Variants in HPRT1 observed in about 807,000 individuals in gnomAD.
HPRT1 encodes the protein hypoxanthine-guanine phosphoribosyltransferase.
HPRT1 carries 4 observed loss-of-function variants against 19.0 expected under a neutral mutation model. That is an observed-to-expected ratio of 0.21 (90% confidence interval 0.10 to 0.48). HPRT1 has a LOEUF of 0.48. HPRT1 is among the 20% of genes least tolerant of loss of function. HPRT1 has a pLI of 0.98. For missense variants in HPRT1, 65 were observed against 164.0 expected (o/e 0.40, Z 3.30); for synonymous variants, 53 against 54.9 (o/e 0.97, Z 0.15).
chrX:134,481,023 G>A (rs909212265), intron 3 of HPRT1, among the ~76,000 whole-genome samples: 2 of 109,233 alleles, frequency 1.8e-5, no homozygotes, highest in African/African-American at 6.7e-5. Context: ...ATGATGTTAT[G>A]GGATACATAT....
intron 4 of HPRT1, among the ~76,000 whole-genome samples, chrX:134,488,060 CAAT>C (rs1350834710): frequency 1.8e-5 from 2 of 110,808 alleles, no homozygotes; most frequent in African/African-American, 6.6e-5. Context: ...ATGGAAAAAT[CAAT>C]AAGTATAACG....
intron 3 of HPRT1, among the ~76,000 whole-genome samples, chrX:134,475,808 T>G (rs2077623709): frequency 9.0e-6 from 1 of 110,913 alleles, no homozygotes; most frequent in African/African-American, 3.3e-5. Context: ...TTAACACACT[T>G]AAGAAAGGGG....
chrX:134,484,699 A>G (rs17883992), intron 3 of HPRT1, among the ~76,000 whole-genome samples: 4,524 of 112,095 alleles, frequency 0.04, 170 homozygotes, highest in African/African-American at 0.12. Context: ...ATTCTGTCTC[A>G]GTGTGCTTTG....
chrX:134,494,861 A>G (rs1454012853), intron 6 of HPRT1, among the ~76,000 whole-genome samples: 2 of 111,921 alleles, frequency 1.8e-5, no homozygotes, highest in African/African-American at 6.5e-5. Flanking sequence ...CAGGTAGGAC[A>G]TGCTCAAACA....
intron 3 of HPRT1, among the ~76,000 whole-genome samples, chrX:134,484,110 G>A (rs1328425812): frequency 8.9e-6 from 1 of 111,800 alleles, no homozygotes; most frequent in South Asian, 3.7e-4. Flanking sequence ...TCCTATCACC[G>A]TAGCCTTTGG....
At chrX:134,491,226 A>G (rs2077665788) in intron 5 of HPRT1, among the ~76,000 whole-genome samples, 1 of 109,791 alleles carries the variant, frequency 9.1e-6, no homozygotes, top group African/African-American at 3.3e-5. Flanking sequence ...CTTGCTGTCT[A>G]TAAGATTTGC....
intron 1 of HPRT1, among the ~76,000 whole-genome samples, chrX:134,468,478 G>A (rs1011934457): frequency 9.1e-5 from 10 of 110,444 alleles, no homozygotes; most frequent in Admixed American, 8.7e-4. Flanking sequence ...TTAACCAAGT[G>A]TGGTGGTGGG....
chrX:134,464,405 GT>G (rs1183335893), intron 1 of HPRT1, among the ~76,000 whole-genome samples: 2 of 108,813 alleles, frequency 1.8e-5, no homozygotes, highest in Admixed American at 2.0e-4. Flanking sequence ...GCTTTGAGGT[GT>G]TTTTTTTTGA....
Position 134,500,404 on chromosome X carries a change from T to TA in HPRT1, c.*329dup, listed in dbSNP as rs1266564631. On this transcript the variant is annotated 3_prime_UTR_variant, in exon 9 of 9. Transcript: ENST00000298556. ...ATAAAGAGAAGATATATTAGTTTTT[T>TA]AATTGGTATTTTAATTTTTATATAT... 2 of 183,958 alleles carry TA rather than the reference T, an allele frequency of 1.1e-5. No homozygotes were observed. The highest frequency in any genetic ancestry group is 2.0e-5 in the Non-Finnish European group (2 of 99,298). 15.2% of individuals were successfully genotyped at this position (183,958 alleles called of 1,213,427 possible). A position where few individuals can be genotyped will look rare whatever the true frequency, so the allele number is the denominator to read the frequency against.
intron 1 of HPRT1, 92 bp downstream of exon 1, chrX:134,460,430 C>T (rs1367965655): frequency 1.9e-4 from 145 of 746,840 alleles, no homozygotes; most frequent in Non-Finnish European, 2.1e-4. Flanking sequence ...AGTGCGGGCT[C>T]GGGCGGCCGG....
At chrX:134,464,661 A>G (rs1212020945) in intron 1 of HPRT1, among the ~76,000 whole-genome samples, 1 of 110,865 alleles carries the variant, frequency 9.0e-6, no homozygotes, top group Non-Finnish European at 1.9e-5. Flanking sequence ...CACTCTAGCC[A>G]CCGACTCCCT....
chrX:134,492,466 A>T (rs2077670284), intron 5 of HPRT1: 2 of 326,011 alleles, frequency 6.1e-6, no homozygotes, highest in African/African-American at 5.4e-5. Flanking sequence ...GGGGCTCATC[A>T]AGCTGAATCA....
chrX:134,481,794 A>G (rs2077641294), intron 3 of HPRT1, among the ~76,000 whole-genome samples: 1 of 111,660 alleles, frequency 9.0e-6, no homozygotes, highest in African/African-American at 3.3e-5. Flanking sequence ...ATGAAGGTGT[A>G]GTAGTCAAGG....
chrX:134,499,600 C>G (rs1054883405), intron 8 of HPRT1, among the ~76,000 whole-genome samples: 7 of 111,184 alleles, frequency 6.3e-5, no homozygotes, highest in Non-Finnish European at 9.5e-5. Context: ...GTCAGGAGAT[C>G]GAGACCATCC....
chrX:134,498,098 AG>A (rs2077686370), intron 6 of HPRT1, among the ~76,000 whole-genome samples: 1 of 111,892 alleles, frequency 8.9e-6, no homozygotes, highest in Non-Finnish European at 1.9e-5. Context: ...CCTCCTTATT[AG>A]CTCCCCTTCA....
intron 1 of HPRT1, among the ~76,000 whole-genome samples, chrX:134,472,440 G>A (rs755912266): frequency 2.7e-5 from 3 of 112,037 alleles, no homozygotes; most frequent in East Asian, 5.5e-4. Context: ...ATTTTGCTGC[G>A]TTTGTCTTAG....
chrX:134,471,975 T>C (rs1301049784), intron 1 of HPRT1, among the ~76,000 whole-genome samples: 1 of 110,702 alleles, frequency 9.0e-6, no homozygotes, highest in Non-Finnish European at 1.9e-5. Flanking sequence ...TTGTTTTGTT[T>C]TGTTTTGTTT....
At chrX:134,486,723 C>T in intron 4 of HPRT1, 193 bp downstream of exon 4, 1 of 426,009 alleles carries the variant, frequency 2.3e-6, no homozygotes, top group Non-Finnish European at 4.4e-6. Context: ...CAACATTAAC[C>T]TTAAATGTCC....
At chrX:134,471,388 C>T (rs1649377273) in intron 1 of HPRT1, among the ~76,000 whole-genome samples, 1 of 111,237 alleles carries the variant, frequency 9.0e-6, no homozygotes, top group African/African-American at 3.3e-5. Context: ...GGTACCATAT[C>T]AGTGTTATTA....
Sources: gnomAD v4.1 joint callset for allele counts (sites outside exome capture counted in the v4.1 genomes callset) on GRCh38, gnomAD v4.1.1 for gene constraint, MANE v1.5 for transcripts, NCBI Gene and HGNC (gene_info 2026-07-23, HGNC 2026-07-21) for gene names.